PCDH11X: variants seen among roughly 807,000 people sequenced by gnomAD.
PCDH11X encodes protocadherin-11 X-linked.
Under a neutral mutation model 53.3 loss-of-function variants are expected in PCDH11X, and 18 were observed. The observed-to-expected ratio is 0.34, with a 90% confidence interval of 0.23 to 0.50. The LOEUF (loss-of-function observed/expected upper bound fraction) is 0.50. PCDH11X is among the 20% of genes least tolerant of loss of function. The probability of loss-of-function intolerance (pLI) is 0.98; values close to 1 mark genes in which losing one functional copy is unlikely to be tolerated. For synonymous variants in PCDH11X, 279 were observed against 393.3 expected (o/e 0.71, Z 3.44); for missense variants, 570 against 1,032.4 (o/e 0.55, Z 6.14).
At chrX:91,802,055 T>C (rs1470307619) in intron 1 of PCDH11X, among the ~76,000 whole-genome samples, 3 of 113,227 alleles carry the variant, frequency 2.6e-5, no homozygotes, top group African/African-American at 6.4e-5. Context: ...CTGTCCTTCA[T>C]AGCGTTCTAT....
At chrX:92,208,058 G>A (rs1320991480) in intron 7 of PCDH11X, among the ~76,000 whole-genome samples, 8 of 108,287 alleles carry the variant, frequency 7.4e-5, no homozygotes, top group African/African-American at 2.7e-4. Flanking sequence ...AGCTGGGTGC[G>A]GTGGCAGGTG....
At chrX:92,152,769 ATG>A (rs2065458956) in intron 6 of PCDH11X, among the ~76,000 whole-genome samples, 1 of 101,355 alleles carries the variant, frequency 9.9e-6, no homozygotes, top group Non-Finnish European at 2.0e-5. Flanking sequence ...GTATGTATGT[ATG>A]TATGTATGTA....
chrX:92,112,852 C>CT (rs201537730), intron 6 of PCDH11X, among the ~76,000 whole-genome samples: 8,228 of 108,553 alleles, frequency 0.076, 565 homozygotes, highest in East Asian at 0.45. Flanking sequence ...TAAATTAACT[C>CT]TAAAAAAGGC....
chrX:92,135,948 C>CA (rs1055910449), intron 6 of PCDH11X, among the ~76,000 whole-genome samples: 2 of 109,796 alleles, frequency 1.8e-5, no homozygotes, highest in African/African-American at 3.3e-5. Flanking sequence ...ATGACATATG[C>CA]AAAAAAAATG....
At chrX:92,561,551 A>G (rs1468617859) in intron 10 of PCDH11X, among the ~76,000 whole-genome samples, 3 of 97,078 alleles carry the variant, frequency 3.1e-5, no homozygotes, top group African/African-American at 1.1e-4. Flanking sequence ...GAATGCATCA[A>G]GCAGAAGAAA....
chrX:92,272,072 G>C (rs898224486), intron 8 of PCDH11X, among the ~76,000 whole-genome samples: 1 of 111,682 alleles, frequency 9.0e-6, no homozygotes, highest in Admixed American at 9.6e-5. Flanking sequence ...GGATGGAAAA[G>C]TATCTCGACA....
At chrX:92,043,195 T>C (rs897766136) in intron 6 of PCDH11X, among the ~76,000 whole-genome samples, 38 of 107,824 alleles carry the variant, frequency 3.5e-4, no homozygotes, top group Non-Finnish European at 6.6e-4. Context: ...AGCCAGCACT[T>C]AATAATACAA....
intron 6 of PCDH11X, among the ~76,000 whole-genome samples, chrX:92,091,237 C>G (rs1440867245): frequency 2.7e-5 from 3 of 110,942 alleles, no homozygotes; most frequent in African/African-American, 9.9e-5. Context: ...CCAACTATTA[C>G]TTTTGAACCA....
intron 6 of PCDH11X, among the ~76,000 whole-genome samples, chrX:92,162,596 T>G (rs2148261841): frequency 9.3e-6 from 1 of 107,943 alleles, no homozygotes; most frequent in East Asian, 3.0e-4. Flanking sequence ...TAATAATTGT[T>G]ACTTATCTTC....
At chrX:92,396,634 A>G (rs1352434038) in intron 9 of PCDH11X, among the ~76,000 whole-genome samples, 1 of 107,239 alleles carries the variant, frequency 9.3e-6, no homozygotes, top group Non-Finnish European at 1.9e-5. Flanking sequence ...ACCTGAGGTC[A>G]GTAGTTCAAG....
intron 1 of PCDH11X, among the ~76,000 whole-genome samples, chrX:91,793,997 A>G (rs1285372012): frequency 9.0e-6 from 1 of 110,966 alleles, no homozygotes; most frequent in Non-Finnish European, 1.9e-5. Context: ...AGAGAAGCAA[A>G]CCCTGTTTAG....
intron 6 of PCDH11X, among the ~76,000 whole-genome samples, chrX:91,908,847 G>GAGA (rs1168737497): frequency 6.5e-5 from 7 of 107,061 alleles, no homozygotes; most frequent in African/African-American, 2.0e-4. Context: ...TGCTGATGAG[G>GAGA]TCGTGAAGAA....
intron 4 of PCDH11X, among the ~76,000 whole-genome samples, chrX:91,820,755 T>C (rs1267352278): frequency 1.9e-5 from 2 of 102,566 alleles, no homozygotes; most frequent in South Asian, 3.9e-4. Flanking sequence ...CCCATGCCTA[T>C]GTCCTGAATG....
At chrX:91,839,461 C>CAAAAAAAAAAAAAA (rs757627555) in intron 5 of PCDH11X, among the ~76,000 whole-genome samples, 1 of 70,394 alleles carries the variant, frequency 1.4e-5, no homozygotes, top group Admixed American at 1.8e-4. Context: ...TAAAAAAATA[C>CAAAAAAAAAAAAAA]AAAAAAAAAA....
At chrX:92,274,004 A>G (rs1333565523) in intron 8 of PCDH11X, among the ~76,000 whole-genome samples, 1 of 108,487 alleles carries the variant, frequency 9.2e-6, no homozygotes, top group Non-Finnish European at 1.9e-5. Context: ...AGTGTCAACA[A>G]GAGCAGGGCA....
At chrX:92,073,701 T>C (rs923017660) in intron 6 of PCDH11X, among the ~76,000 whole-genome samples, 11 of 112,050 alleles carry the variant, frequency 9.8e-5, no homozygotes, top group Non-Finnish European at 1.7e-4. Context: ...GTTGAATGGG[T>C]CAGTTCTTTA....
chrX:92,325,304 T>C (rs1368175741), intron 8 of PCDH11X, among the ~76,000 whole-genome samples: 3 of 110,982 alleles, frequency 2.7e-5, no homozygotes, highest in African/African-American at 9.8e-5. Flanking sequence ...TGCAATCATA[T>C]AAATGAAAAC....
At chrX:92,379,819 G>A (rs896575701) in intron 8 of PCDH11X, among the ~76,000 whole-genome samples, 3 of 109,449 alleles carry the variant, frequency 2.7e-5, no homozygotes, top group Non-Finnish European at 5.7e-5. Context: ...TACCCACTCC[G>A]TGTCTTCTGA....
intron 9 of PCDH11X, among the ~76,000 whole-genome samples, chrX:92,455,014 G>A (rs1156729693): frequency 9.1e-6 from 1 of 109,806 alleles, no homozygotes. Flanking sequence ...CCTAGAATAT[G>A]ACTGGGTTTT....
Sources: allele counts gnomAD v4.1 joint callset (sites outside exome capture counted in the v4.1 genomes callset), GRCh38; gene constraint gnomAD v4.1.1; transcripts MANE v1.5; gene names NCBI Gene and HGNC (gene_info 2026-07-23, HGNC 2026-07-21).